Variants in RELB observed in about 807,000 individuals in gnomAD.
RELB encodes RELB proto-oncogene, NF-kB subunit, also known as transcription factor RelB.
In RELB, 14 loss-of-function variants were observed where a neutral mutation model predicts 55.4. The observed-to-expected ratio is 0.25, with a 90% CI of 0.17 to 0.40. RELB has a LOEUF of 0.40. Ranked by LOEUF, RELB falls within the 10% of genes least tolerant of loss-of-function variation. The pLI is 1.00. For missense variants in RELB, 669 were observed against 830.7 expected, an observed-to-expected ratio of 0.81 and a Z score of 2.39; for synonymous variants, 409 against 371.3, an observed-to-expected ratio of 1.10 and a Z score of -1.17.
chr19:45,019,520 A>T (rs1568400688), intron 4 of RELB, among the ~76,000 whole-genome samples: 2 of 152,172 alleles, frequency 1.3e-5, no homozygotes, highest in Admixed American at 6.6e-5. Flanking sequence ...CCATCAAATC[A>T]TGTAATATAC....
chr19:45,027,499 T>C (rs973837777), intron 7 of RELB, among the ~76,000 whole-genome samples: 2 of 152,158 alleles, frequency 1.3e-5, no homozygotes, highest in African/African-American at 4.8e-5. Flanking sequence ...TTCTCTTACC[T>C]AATAGCTTTG....
intron 2 of RELB, among the ~76,000 whole-genome samples, chr19:45,004,400 T>A (rs1477846128): frequency 7.3e-6 from 1 of 136,896 alleles, no homozygotes; most frequent in African/African-American, 2.7e-5. Context: ...TTTTTTGTAT[T>A]TTTAGTAGAG....
chr19:45,030,153 A>C (rs1403431560), intron 8 of RELB, among the ~76,000 whole-genome samples: 1 of 151,006 alleles, frequency 6.6e-6, no homozygotes, highest in African/African-American at 2.4e-5. Flanking sequence ...GGCGACAGAG[A>C]CAGACCCTGT....
At chr19:45,025,837 G>T in intron 7 of RELB, 100 bp downstream of exon 7, 1 of 1,459,122 alleles carries the variant, frequency 6.9e-7, no homozygotes, top group Non-Finnish European at 9.5e-7. Context: ...TGTGGCTCAC[G>T]CCTGTAATCC....
chr19:45,015,660 G>T (rs762058982), intron 4 of RELB, among the ~76,000 whole-genome samples: 7 of 151,612 alleles, frequency 4.6e-5, no homozygotes, highest in African/African-American at 4.8e-5. Context: ...GCTTGAGCCT[G>T]GGAAGTGGAG....
rs117413065 is a variant in RELB, at chr19:45,008,526, G to A, written c.155-1288G>A. 3.8e-3 allele frequency: 1,755 copies of A among 456,286 alleles called. 7 individuals are homozygous for A. The highest frequency in any genetic ancestry group is 5.7e-3 in the Non-Finnish European group (1,294 of 226,954). The allele number at this position is 456,286 out of a possible 1,614,324, so 28.3% of individuals were successfully genotyped here. ...GTGACTTGAGGTTGGCCCTGCCACT[G>A]ACCTAGAGCGTGTCCCTTCCTCTCT... On this transcript the variant is annotated intron_variant, in intron 2 of 11. Coordinates refer to ENST00000221452, the MANE Select transcript of RELB (RefSeq NM_006509.4).
At chr19:45,034,795 A>G (rs781421303) in intron 11 of RELB, among the ~76,000 whole-genome samples, 3 of 151,700 alleles carry the variant, frequency 2.0e-5, no homozygotes, top group Non-Finnish European at 4.4e-5. Context: ...AAGGCCCAGT[A>G]CATACTTAGC....
intron 4 of RELB, among the ~76,000 whole-genome samples, chr19:45,021,273 A>T (rs990958802): frequency 3.3e-5 from 5 of 151,910 alleles, no homozygotes; most frequent in African/African-American, 4.8e-5. Context: ...GGAGATCGAG[A>T]CCATCCTGGC....
chr19:45,009,880 G>A (rs896515641), intron 3 of RELB, 58 bp downstream of exon 3: 2 of 1,437,320 alleles, frequency 1.4e-6, no homozygotes, highest in Non-Finnish European at 1.9e-6. Flanking sequence ...CCTACAGAAG[G>A]GGGTCTTGGC....
intron 4 of RELB, among the ~76,000 whole-genome samples, chr19:45,014,875 A>G (rs1242015851): frequency 1.3e-5 from 2 of 150,372 alleles, no homozygotes; most frequent in East Asian, 4.0e-4. Flanking sequence ...ACCATAGGGA[A>G]TGACCTGTCT....
intron 11 of RELB, among the ~76,000 whole-genome samples, chr19:45,036,365 G>A (rs910072800): frequency 6.6e-6 from 1 of 152,156 alleles, no homozygotes; most frequent in African/African-American, 2.4e-5. Flanking sequence ...GAGCCACCAT[G>A]CCTGGCCTGA....
chr19:45,014,150 A>G, intron 4 of RELB, among the ~76,000 whole-genome samples: 1 of 149,594 alleles, frequency 6.7e-6, no homozygotes, highest in South Asian at 2.1e-4. Flanking sequence ...TGTATTCCCC[A>G]ACTTCTAATT....
At chr19:45,018,880 C>T (rs1378467442) in intron 4 of RELB, among the ~76,000 whole-genome samples, 1 of 151,736 alleles carries the variant, frequency 6.6e-6, no homozygotes, top group Non-Finnish European at 1.5e-5. Flanking sequence ...TTCTCCATGT[C>T]GGTCAGGCTG....
intron 4 of RELB, among the ~76,000 whole-genome samples, chr19:45,013,381 T>G (rs938655854): frequency 7.2e-5 from 11 of 152,084 alleles, no homozygotes; most frequent in African/African-American, 2.6e-4. Context: ...CCTCAAGTGA[T>G]CCGCATGCCT....
intron 5 of RELB, among the ~76,000 whole-genome samples, chr19:45,022,782 T>C (rs1211307122): frequency 6.6e-6 from 1 of 151,950 alleles, no homozygotes; most frequent in African/African-American, 2.4e-5. Context: ...CTGCTGACCT[T>C]AGGTGATCCT....
chr19:45,023,853 C>T (rs1181192415), intron 5 of RELB, among the ~76,000 whole-genome samples: 5 of 136,010 alleles, frequency 3.7e-5, no homozygotes, highest in African/African-American at 8.2e-5. Context: ...TGGATTCAAA[C>T]GATTCTCCTG....
intron 5 of RELB, among the ~76,000 whole-genome samples, chr19:45,023,469 G>T (rs891834576): frequency 7.0e-6 from 1 of 143,878 alleles, no homozygotes; most frequent in African/African-American, 2.5e-5. Flanking sequence ...ACAGAGTCTC[G>T]CTCTGTCGCC....
intron 2 of RELB, among the ~76,000 whole-genome samples, chr19:45,003,246 C>A (rs112109968): frequency 6.6e-6 from 1 of 151,836 alleles, no homozygotes; most frequent in Non-Finnish European, 1.5e-5. Context: ...CCGAGGCGGA[C>A]GGATCACGAG....
Position 45,037,736 on chromosome 19 carries a change from C to G in RELB, c.1686C>G (p.Tyr562Ter), listed in dbSNP as rs1269925300. Residue 562 changes from tyrosine to a stop codon, truncating the protein, a stop_gained, in exon 12 of 12, where the codon TAC becomes TAG. Transcript: ENST00000221452. LOFTEE classifies it high-confidence loss of function. ...GCAGCAACATGTTCCCCAATCATTA[C>G]CGCGAGGCGGCCTTTGGGGGCGGCC... is the stretch of plus-strand genomic sequence containing the variant. ...LVGSNMFPNHYREAAFGGGLL... is the reference protein window; with the variant it reads ...LVGSNMFPNH 2.0e-6 allele frequency: 3 copies of G among 1,496,752 alleles called. No homozygotes were observed. Among genetic ancestry groups the G allele is most frequent in the Non-Finnish European group, 2.7e-6 (3 of 1,126,440 alleles). 92.7% of individuals were successfully genotyped at this position (1,496,752 alleles called of 1,614,324 possible). A position where few individuals can be genotyped will look rare whatever the true frequency, so the allele number is the denominator to read the frequency against.
Sources: gnomAD v4.1 joint callset for allele counts (sites outside exome capture counted in the v4.1 genomes callset) on GRCh38, gnomAD v4.1.1 for gene constraint, MANE v1.5 for transcripts, NCBI Gene and HGNC (gene_info 2026-07-23, HGNC 2026-07-21) for gene names.